CRTC3: variants seen among roughly 807,000 people sequenced by gnomAD.
CRTC3 encodes CREB-regulated transcription coactivator 3.
In CRTC3, 26 loss-of-function variants were observed where a neutral mutation model predicts 74.5. The observed-to-expected ratio is 0.35, with a 90% CI of 0.26 to 0.48. CRTC3 has a LOEUF of 0.48. Ranked by LOEUF, CRTC3 falls within the 20% of genes least tolerant of loss-of-function variation. The pLI, the probability that CRTC3 is intolerant of heterozygous loss-of-function variation, is 0.99. For synonymous variants in CRTC3, 377 were observed against 325.8 expected (o/e 1.16, Z -1.69); for missense variants, 760 against 787.3 (o/e 0.97, Z 0.41).
chr15:90,576,174 T>G (rs899758891), intron 2 of CRTC3, among the ~76,000 whole-genome samples: 1 of 152,050 alleles, frequency 6.6e-6, no homozygotes, highest in African/African-American at 2.4e-5. Flanking sequence ...GAGGCTGAGG[T>G]GGGAGGACCA....
At chr15:90,589,446 G>A (rs374730870) in intron 2 of CRTC3, among the ~76,000 whole-genome samples, 1 of 152,072 alleles carries the variant, frequency 6.6e-6, no homozygotes, top group South Asian at 2.1e-4. Flanking sequence ...GACATTCCTG[G>A]GGTCAAGGGA....
chr15:90,622,718 G>A (rs1968694764), intron 9 of CRTC3, among the ~76,000 whole-genome samples: 1 of 152,140 alleles, frequency 6.6e-6, no homozygotes, highest in South Asian at 2.1e-4. Flanking sequence ...GGGTATGGTA[G>A]TACATGCCTG....
At chr15:90,565,163 G>C (rs1174324572) in intron 2 of CRTC3, among the ~76,000 whole-genome samples, 1 of 152,114 alleles carries the variant, frequency 6.6e-6, no homozygotes, top group Non-Finnish European at 1.5e-5. Context: ...GGTCAGGCTG[G>C]TCTTGAACTC....
Position 90,550,690 on chromosome 15 carries a change from CT to C in CRTC3, c.231+10563del, listed in dbSNP as rs367736343. ...TTTGCATGTCAGATCTCGAAACCTG[CT>C]TTTTTTTTTGTTATTTCAAGGTAAT... On this transcript the variant is annotated intron_variant, in intron 2 of 14. Coordinates refer to ENST00000268184, the MANE Select transcript of CRTC3 (RefSeq NM_022769.5). Among the ~76,000 whole-genome samples, 664 of 147,978 alleles carry C rather than the reference CT, an allele frequency of 4.5e-3. 4 individuals are homozygous for C. The highest frequency in any genetic ancestry group is 6.4e-3 in the Non-Finnish European group (425 of 66,716).
intron 11 of CRTC3, chr15:90,638,226 T>C: frequency 2.0e-6 from 1 of 496,678 alleles, no homozygotes; most frequent in South Asian, 3.5e-5. Flanking sequence ...TTAGTTCTTT[T>C]AAGACAATAG....
At chr15:90,551,942 ACG>A (rs1555446976) in intron 2 of CRTC3, among the ~76,000 whole-genome samples, 1,293 of 48,078 alleles carry the variant, frequency 0.027, 60 homozygotes, top group African/African-American at 0.1. Context: ...ACACACACAC[ACG>A]CACACACACA....
intron 1 of CRTC3, among the ~76,000 whole-genome samples, chr15:90,531,287 G>A (rs1352513355): frequency 6.6e-6 from 1 of 152,062 alleles, no homozygotes; most frequent in African/African-American, 2.4e-5. Context: ...TGGGAGACCT[G>A]GTAACACTAA....
chr15:90,621,389 C>T (rs1404513347), intron 9 of CRTC3, among the ~76,000 whole-genome samples: 3 of 152,136 alleles, frequency 2.0e-5, no homozygotes, highest in African/African-American at 4.8e-5. Flanking sequence ...GTGGCATGCT[C>T]TTGGCTCACA....
chr15:90,615,890 C>T (rs1311345946), intron 7 of CRTC3, among the ~76,000 whole-genome samples: 1 of 151,108 alleles, frequency 6.6e-6, no homozygotes, highest in East Asian at 1.9e-4. Flanking sequence ...GACGGAGTCT[C>T]GCTCTGTCGC....
chr15:90,636,985 A>T (rs1969262083), intron 11 of CRTC3, among the ~76,000 whole-genome samples: 3 of 152,206 alleles, frequency 2.0e-5, no homozygotes, highest in Admixed American at 1.3e-4. Flanking sequence ...CCATTGTGGA[A>T]GTCAGTGTGG....
rs1596148069 is a variant in CRTC3 at position 90,634,850 on chromosome 15, G to T, written c.1267-3596G>T. 4 of 1,541,030 alleles carry T rather than the reference G, an allele frequency of 2.6e-6. No individual in the cohort carries two copies. The East Asian group carries it at 9.0e-5, about 35-fold the overall frequency. On this transcript the variant is annotated intron_variant, in intron 11 of 14. Coordinates refer to ENST00000268184, the MANE Select transcript of CRTC3 (RefSeq NM_022769.5). ...CAGAAAAATCTCAAGGAAAAGTATT[G>T]CAAGCAACAGTAGTCACTGTTGGAT...
At chr15:90,599,803 A>G (rs1413974940) in intron 3 of CRTC3, among the ~76,000 whole-genome samples, 1 of 152,254 alleles carries the variant, frequency 6.6e-6, no homozygotes, top group Non-Finnish European at 1.5e-5. Flanking sequence ...AATTTGTATT[A>G]TCAGTACTAT....
chr15:90,604,966 T>A (rs1567181247), intron 5 of CRTC3, among the ~76,000 whole-genome samples: 1 of 152,060 alleles, frequency 6.6e-6, no homozygotes, highest in East Asian at 1.9e-4. Context: ...AGGACTAGGA[T>A]TTGAAAAAAT....
At chr15:90,542,503 A>C (rs1966819532) in intron 2 of CRTC3, among the ~76,000 whole-genome samples, 1 of 152,014 alleles carries the variant, frequency 6.6e-6, no homozygotes, top group African/African-American at 2.4e-5. Context: ...TTCACTTGGG[A>C]ATAAGTTCCT....
intron 7 of CRTC3, among the ~76,000 whole-genome samples, chr15:90,615,916 T>TCACCA (rs1968481895): frequency 6.6e-6 from 1 of 151,974 alleles, no homozygotes; most frequent in Non-Finnish European, 1.5e-5. Flanking sequence ...TGGAGTGCAG[T>TCACCA]GGTGTGACCT....
intron 2 of CRTC3, among the ~76,000 whole-genome samples, chr15:90,545,544 CGCG>C (rs1393163393): frequency 6.6e-6 from 1 of 150,524 alleles, no homozygotes; most frequent in African/African-American, 2.4e-5. Flanking sequence ...GGTTTACAGG[CGCG>C]CCCCACCACA....
intron 1 of CRTC3, among the ~76,000 whole-genome samples, chr15:90,538,296 G>C (rs1302506576): frequency 6.7e-6 from 1 of 149,332 alleles, no homozygotes; most frequent in African/African-American, 2.5e-5. Flanking sequence ...AAAGCTGAGA[G>C]ACTTTATTCC....
intron 2 of CRTC3, among the ~76,000 whole-genome samples, chr15:90,569,316 CTTTTT>C (rs34246683): frequency 6.8e-5 from 9 of 132,286 alleles, no homozygotes; most frequent in East Asian, 2.2e-4. Context: ...TAAACAAAAC[CTTTTT>C]TTTTTTTTTT....
intron 8 of CRTC3, among the ~76,000 whole-genome samples, chr15:90,618,676 T>C (rs1272089410): frequency 6.6e-6 from 1 of 152,234 alleles, no homozygotes; most frequent in African/African-American, 2.4e-5. Context: ...CCCACCTGTT[T>C]AGGATCCCTT....
Sources: gnomAD v4.1 joint callset for allele counts (sites outside exome capture counted in the v4.1 genomes callset) on GRCh38, gnomAD v4.1.1 for gene constraint, MANE v1.5 for transcripts, NCBI Gene and HGNC (gene_info 2026-07-23, HGNC 2026-07-21) for gene names.